ADCY9: variants seen among roughly 807,000 people sequenced by gnomAD.
ADCY9 encodes the protein adenylate cyclase 9.
Under a neutral mutation model 101.5 loss-of-function variants are expected in ADCY9, and 50 were observed. That is an observed-to-expected ratio of 0.49 (90% CI 0.39 to 0.62). The LOEUF is 0.62. Among genes scored for constraint, ADCY9 ranks in the 20% least tolerant of loss-of-function variants. The pLI, the probability that ADCY9 is intolerant of heterozygous loss-of-function variation, is 0.00. For synonymous variants in ADCY9, 905 were observed against 769.3 expected (o/e 1.18, Z -2.92); for missense variants, 1,662 against 1,800.4 (o/e 0.92, Z 1.39).
intron 2 of ADCY9, among the ~76,000 whole-genome samples, chr16:4,072,613 T>G (rs755008571): frequency 6.6e-6 from 1 of 151,992 alleles, no homozygotes; most frequent in Middle Eastern, 3.4e-3. Flanking sequence ...TAAATGTTTC[T>G]AAGAAAAAAG....
At chr16:4,045,905 T>A (rs970674240) in intron 2 of ADCY9, among the ~76,000 whole-genome samples, 62 of 137,032 alleles carry the variant, frequency 4.5e-4, no homozygotes, top group African/African-American at 1.5e-3. Context: ...AGATGAGGTT[T>A]CATCATGTTG....
At position 3,966,469 on chromosome 16, in the gene ADCY9, G is replaced by C; in HGVS notation, c.3368C>G (p.Ala1123Gly). 3.1e-6 allele frequency: 5 copies of C among 1,614,100 alleles called. No homozygotes were observed. Among genetic ancestry groups the C allele is most frequent in the Non-Finnish European group, 4.2e-6 (5 of 1,180,044 alleles). Reference sequence around the variant, plus strand: ...CGGGTGGCTGCCGTCCTGGGCCTGCGCGGTGTTCAGCCCTGACGCCGCCAT... The same window carrying C: ...CGGGTGGCTGCCGTCCTGGGCCTGCCCGGTGTTCAGCCCTGACGCCGCCAT... ...TYMAASGLNT[A>G]QAQDGSHPQE... The change falls in exon 11 of 11, where the codon GCG becomes GGG. Residue 1123 changes from alanine (A) to glycine (G), a missense_variant. Physicochemically the swap from Ala to Gly is moderately conservative, Grantham distance 60. Transcript: ENST00000294016.
At chr16:4,092,424 T>A (rs1163376787) in intron 2 of ADCY9, among the ~76,000 whole-genome samples, 1 of 152,226 alleles carries the variant, frequency 6.6e-6, no homozygotes, top group Non-Finnish European at 1.5e-5. Flanking sequence ...TGGTAAATTT[T>A]CATAAAAATC....
At chr16:4,005,276 T>C (rs1567433860) in intron 3 of ADCY9, among the ~76,000 whole-genome samples, 1 of 152,212 alleles carries the variant, frequency 6.6e-6, no homozygotes, top group Non-Finnish European at 1.5e-5. Flanking sequence ...TGGCCTAAGC[T>C]GGAGTGCAGT....
At chr16:3,954,510 G>C (rs1211390719) in intron 5 of ADCY9, among the ~76,000 whole-genome samples, 2 of 152,184 alleles carry the variant, frequency 1.3e-5, no homozygotes, top group African/African-American at 4.8e-5. Context: ...AACCAGAAGG[G>C]ACCTCCGGGA....
chr16:4,101,428 T>A (rs930856715), intron 2 of ADCY9, among the ~76,000 whole-genome samples: 4 of 152,054 alleles, frequency 2.6e-5, no homozygotes, highest in Non-Finnish European at 5.9e-5. Flanking sequence ...TACAGGCACA[T>A]GCCACCATGC....
At chr16:4,058,099 C>A (rs2056752330) in intron 2 of ADCY9, among the ~76,000 whole-genome samples, 1 of 150,344 alleles carries the variant, frequency 6.7e-6, no homozygotes, top group Admixed American at 6.7e-5. Context: ...GTGGAGGTTG[C>A]AGTGAGCCGA....
chr16:4,025,548 C>T (rs1294678726), intron 2 of ADCY9, among the ~76,000 whole-genome samples: 1 of 152,104 alleles, frequency 6.6e-6, no homozygotes, highest in African/African-American at 2.4e-5. Context: ...GGTTGGTGTG[C>T]GAGTGTGTGC....
At chr16:4,096,878 C>G (rs778679758) in intron 2 of ADCY9, among the ~76,000 whole-genome samples, 16 of 151,956 alleles carry the variant, frequency 1.1e-4, no homozygotes, top group Non-Finnish European at 2.1e-4. Context: ...TGCTTTTTCC[C>G]CGCTTTGGAA....
intron 10 of ADCY9, 31 bp downstream of exon 10, chr16:3,974,638 T>C (rs1191002072): frequency 1.0e-5 from 16 of 1,594,658 alleles, no homozygotes; most frequent in Non-Finnish European, 8.6e-7. Flanking sequence ...CTCTCGTTTA[T>C]TCAGACAGAA....
At position 3,992,371 on chromosome 16, in the gene ADCY9, G is replaced by T. The variant is rs747154076; in HGVS notation, c.1990-8C>A. The T allele has an allele frequency of 6.2e-7, 1 of 1,613,036 alleles. No homozygotes were observed. Among genetic ancestry groups the T allele is most frequent in the South Asian group, 1.1e-5 (1 of 90,964 alleles). Reference sequence around the variant, plus strand: ...ATTAGGTCCTCCAGAAGCCTGCCTCGAGACAAAGAGGACGCAGACACGGGA... The same window carrying T: ...ATTAGGTCCTCCAGAAGCCTGCCTCTAGACAAAGAGGACGCAGACACGGGA... On this transcript the variant is annotated splice_region_variant and splice_polypyrimidine_tract_variant and intron_variant, in intron 4 of 10. Transcript: ENST00000294016. This position sits in a 1 kb window ranked among gnomAD's most constrained non-coding sequence, Gnocchi z 4.2.
intron 5 of ADCY9, among the ~76,000 whole-genome samples, chr16:3,954,644 G>A (rs2055898102): frequency 6.6e-6 from 1 of 152,192 alleles, no homozygotes; most frequent in African/African-American, 2.4e-5. Flanking sequence ...GGGGCCGGCT[G>A]AGGGCCAGCA....
chr16:4,036,147 T>C (rs925452953), intron 2 of ADCY9, among the ~76,000 whole-genome samples: 40 of 148,042 alleles, frequency 2.7e-4, no homozygotes, highest in Admixed American at 1.3e-3. Flanking sequence ...TCCTATCTCC[T>C]AGTAGGCTGA....
chr16:4,007,055 C>G (rs1258867056), intron 3 of ADCY9, among the ~76,000 whole-genome samples: 1 of 152,182 alleles, frequency 6.6e-6, no homozygotes, highest in Non-Finnish European at 1.5e-5. Flanking sequence ...CCTTTACTGT[C>G]ATTTATCACC....
chr16:4,115,458 G>C lies in ADCY9; in HGVS notation c.-16C>G. 1.3e-6 allele frequency: 2 copies of C among 1,512,952 alleles called. No homozygotes were observed. The highest frequency in any genetic ancestry group is 1.8e-6 in the Non-Finnish European group (2 of 1,129,696). The allele number at this position is 1,512,952 out of a possible 1,614,324, so 93.7% of individuals were successfully genotyped here. A position where few individuals can be genotyped will look rare whatever the true frequency, so the allele number is the denominator to read the frequency against. ...GGGAAGCCATGTTGTCGAGTCCCGG[G>C]GCCTGCCCCGGCCGGGGTCACCAGT... is the stretch of plus-strand genomic sequence containing the variant. On this transcript the variant is annotated 5_prime_UTR_variant, in exon 2 of 11. Coordinates refer to ENST00000294016, the MANE Select transcript of ADCY9 (RefSeq NM_001116.4). The surrounding 1 kb of genome is among the most constrained non-coding windows in gnomAD (Gnocchi z 6.2).
At chr16:4,038,603 T>C (rs765313084) in intron 2 of ADCY9, among the ~76,000 whole-genome samples, 50 of 152,166 alleles carry the variant, frequency 3.3e-4, no homozygotes, top group Non-Finnish European at 6.9e-4. Context: ...TGAGATACCG[T>C]GTCGCTGTAC....
At chr16:4,046,803 G>T (rs1256781337) in intron 2 of ADCY9, among the ~76,000 whole-genome samples, 1 of 152,020 alleles carries the variant, frequency 6.6e-6, no homozygotes, top group Non-Finnish European at 1.5e-5. Flanking sequence ...ACCAGCCTGG[G>T]CAACATAAGT....
At chr16:4,094,549 G>A (rs756937336) in intron 2 of ADCY9, among the ~76,000 whole-genome samples, 3 of 151,866 alleles carry the variant, frequency 2.0e-5, no homozygotes, top group South Asian at 2.1e-4. Context: ...TGTGGCTCAC[G>A]CCCGTAATCC....
chr16:3,981,366 C>G (rs768333971), intron 7 of ADCY9, among the ~76,000 whole-genome samples: 6 of 152,170 alleles, frequency 3.9e-5, no homozygotes, highest in Non-Finnish European at 8.8e-5. Flanking sequence ...TCAGAGCCCT[C>G]AAGACGCTAC....
Sources: gnomAD v4.1 joint callset for allele counts (sites outside exome capture counted in the v4.1 genomes callset) on GRCh38, gnomAD v4.1.1 for gene constraint, Gnocchi (gnomAD v3.1) non-coding constraint, MANE v1.5 for transcripts, NCBI Gene and HGNC (gene_info 2026-07-23, HGNC 2026-07-21) for gene names.